SLIT2: variants seen among roughly 807,000 people sequenced by gnomAD.
The protein encoded by SLIT2 is slit homolog 2 protein.
Under a neutral mutation model 185.7 loss-of-function variants are expected in SLIT2, and 41 were observed. The observed-to-expected ratio is 0.22, with a 90% CI of 0.17 to 0.29. SLIT2 has a LOEUF of 0.29. Ranked by LOEUF, SLIT2 falls within the 10% of genes least tolerant of loss-of-function variation. The pLI is 1.00. For missense variants in SLIT2, 1,571 were observed against 1,909.0 expected, an observed-to-expected ratio of 0.82 and a Z score of 3.30; for synonymous variants, 693 against 680.2, an observed-to-expected ratio of 1.02 and a Z score of -0.29.
intron 29 of SLIT2, among the ~76,000 whole-genome samples, chr4:20,575,627 C>T (rs375721510): frequency 3.3e-5 from 5 of 152,092 alleles, no homozygotes; most frequent in Non-Finnish European, 5.9e-5. Context: ...CTTCCAGGCA[C>T]GGCTTCTTTT....
At chr4:20,261,729 G>A (rs142974078) in intron 3 of SLIT2, among the ~76,000 whole-genome samples, 101 of 151,968 alleles carry the variant, frequency 6.6e-4, no homozygotes, top group African/African-American at 2.3e-3. Context: ...AAAGTGAAAT[G>A]CATATATGCC....
intron 4 of SLIT2, among the ~76,000 whole-genome samples, chr4:20,347,267 C>T (rs1210989782): frequency 1.3e-5 from 2 of 152,188 alleles, no homozygotes; most frequent in African/African-American, 4.8e-5. Flanking sequence ...GGCTCAAGCC[C>T]ACATCTATTC....
At position 20,254,612 on chromosome 4, in the gene SLIT2, C is replaced by A. The variant is rs1290045648; in HGVS notation, c.179+618C>A. Among the ~76,000 whole-genome samples the A allele has an allele frequency of 6.6e-6, 1 of 152,140 alleles. No homozygotes were observed. Among genetic ancestry groups the A allele is most frequent in the African/African-American group, 2.4e-5 (1 of 41,442 alleles). On this transcript the variant is annotated intron_variant, in intron 1 of 36. Coordinates refer to ENST00000504154, the MANE Select transcript of SLIT2 (RefSeq NM_004787.4). The surrounding 1 kb of genome is among the most constrained non-coding windows in gnomAD (Gnocchi z 5.1). ...TAGCCTCGCGCAGCCCCCCGCCCCC[C>A]ACTTCTCCGGGGAGGGGAAGACGGC...
chr4:20,346,128 AACG>A (rs1471100896), intron 4 of SLIT2, among the ~76,000 whole-genome samples: 2 of 152,072 alleles, frequency 1.3e-5, no homozygotes, highest in Non-Finnish European at 2.9e-5. Flanking sequence ...AAGTAGCTGG[AACG>A]ACAAGCACGC....
chr4:20,490,892 T>G, intron 8 of SLIT2: 1 of 1,161,582 alleles, frequency 8.6e-7, no homozygotes, highest in South Asian at 1.3e-5. Flanking sequence ...AATTAGCAGC[T>G]GGCTTGCAGC....
intron 11 of SLIT2, among the ~76,000 whole-genome samples, chr4:20,511,714 C>T (rs1489666393): frequency 1.3e-5 from 2 of 150,892 alleles, no homozygotes; most frequent in African/African-American, 2.4e-5. Flanking sequence ...AGGCATGAGC[C>T]ACCGTGCCCG....
intron 4 of SLIT2, among the ~76,000 whole-genome samples, chr4:20,395,490 A>G (rs1725818147): frequency 6.6e-6 from 1 of 152,048 alleles, no homozygotes; most frequent in Non-Finnish European, 1.5e-5. Flanking sequence ...CAGGAGGTAT[A>G]TGATGTGATA....
At chr4:20,568,191 G>T (rs1481332949) in intron 28 of SLIT2, among the ~76,000 whole-genome samples, 1 of 151,998 alleles carries the variant, frequency 6.6e-6, no homozygotes, top group African/African-American at 2.4e-5. Context: ...ACATAAGAAT[G>T]CTAATATACT....
chr4:20,268,038 G>A (rs1034775854), intron 3 of SLIT2, among the ~76,000 whole-genome samples: 1 of 151,702 alleles, frequency 6.6e-6, no homozygotes, highest in African/African-American at 2.4e-5. Flanking sequence ...GATGGGATTG[G>A]GATATGACTA....
At chr4:20,603,792 C>T (rs113494568) in intron 33 of SLIT2, among the ~76,000 whole-genome samples, 6 of 152,198 alleles carry the variant, frequency 3.9e-5, no homozygotes, top group African/African-American at 1.4e-4. Flanking sequence ...TACATTTCAA[C>T]AAAAATACAA....
intron 4 of SLIT2, among the ~76,000 whole-genome samples, chr4:20,305,095 G>A (rs1486834068): frequency 1.3e-5 from 2 of 152,176 alleles, no homozygotes; most frequent in African/African-American, 4.8e-5. Flanking sequence ...TTTGCTGAAT[G>A]TAATATTGAA....
intron 4 of SLIT2, among the ~76,000 whole-genome samples, chr4:20,278,636 A>G (rs1289243900): frequency 6.6e-6 from 1 of 152,084 alleles, no homozygotes; most frequent in Non-Finnish European, 1.5e-5. Flanking sequence ...AAAACAAACA[A>G]AAACAAAAAC....
chr4:20,345,623 C>T (rs1472500454), intron 4 of SLIT2, among the ~76,000 whole-genome samples: 1 of 149,874 alleles, frequency 6.7e-6, no homozygotes, highest in Non-Finnish European at 1.5e-5. Context: ...GCAACCTCCA[C>T]CTCCCGGGAT....
At chr4:20,514,672 G>C (rs1181876180) in intron 11 of SLIT2, among the ~76,000 whole-genome samples, 1 of 151,666 alleles carries the variant, frequency 6.6e-6, no homozygotes, top group Admixed American at 6.6e-5. Context: ...AAAATTTCAA[G>C]TTATTAGATC....
At chr4:20,537,761 C>T (rs774857544) in intron 18 of SLIT2, among the ~76,000 whole-genome samples, 1 of 152,040 alleles carries the variant, frequency 6.6e-6, no homozygotes, top group Non-Finnish European at 1.5e-5. Flanking sequence ...TGTCTTTTGT[C>T]TTGGAGCTAT....
chr4:20,480,482 A>G (rs1716586096), intron 5 of SLIT2, among the ~76,000 whole-genome samples: 1 of 152,184 alleles, frequency 6.6e-6, no homozygotes. Flanking sequence ...TGCAGTTATT[A>G]TTTACTGGAG....
chr4:20,345,123 T>C (rs1273750985), intron 4 of SLIT2, among the ~76,000 whole-genome samples: 1 of 152,220 alleles, frequency 6.6e-6, no homozygotes, highest in Non-Finnish European at 1.5e-5. Context: ...TTAAATCAAA[T>C]TAAATTTGAT....
chr4:20,384,381 G>A (rs1256708304), intron 4 of SLIT2, among the ~76,000 whole-genome samples: 1 of 152,124 alleles, frequency 6.6e-6, no homozygotes, highest in Non-Finnish European at 1.5e-5. Flanking sequence ...GAGAGATTAA[G>A]AGCAAACAGA....
chr4:20,280,346 A>G (rs1714619998), intron 4 of SLIT2, among the ~76,000 whole-genome samples: 1 of 151,596 alleles, frequency 6.6e-6, no homozygotes, highest in African/African-American at 2.4e-5. Context: ...AAAAAAAAAA[A>G]AAAAAGAACA....
Sources: allele counts gnomAD v4.1 joint callset (sites outside exome capture counted in the v4.1 genomes callset), GRCh38; gene constraint gnomAD v4.1.1; non-coding constraint Gnocchi (gnomAD v3.1); transcripts MANE v1.5; gene names NCBI Gene and HGNC (gene_info 2026-07-23, HGNC 2026-07-21).